The following PKP2 variants were observed in gnomAD, a reference collection of about 807,000 sequenced individuals.
The protein encoded by PKP2 is plakophilin 2.
A neutral mutation model predicts 83.4 loss-of-function variants in PKP2; 73 were observed. That is an observed-to-expected ratio of 0.88 (90% CI 0.72 to 1.06). The LOEUF (loss-of-function observed/expected upper bound fraction) is 1.06. PKP2 is among the 50% of genes least tolerant of loss of function. The pLI, the probability that PKP2 is intolerant of heterozygous loss-of-function variation, is 0.00. For synonymous variants in PKP2, 409 were observed against 430.4 expected (o/e 0.95, Z 0.62); for missense variants, 966 against 1,065.4 (o/e 0.91, Z 1.30).
intron 1 of PKP2, among the ~76,000 whole-genome samples, chr12:32,882,331 A>G (rs1431779140): frequency 1.3e-5 from 2 of 152,162 alleles, no homozygotes; most frequent in African/African-American, 4.8e-5. Context: ...ACGGCAGGTG[A>G]TGAAAGCAGG....
chr12:32,790,786 A>T lies in PKP2; in HGVS notation c.*1638T>A, dbSNP rs2137692249. ...ATTTAATATTATCGAAGGCTTTATT[A>T]ATGCCTTAAAAAACACAAAAAGTTC... On this transcript the variant is annotated 3_prime_UTR_variant, in exon 13 of 13. Coordinates refer to ENST00000340811, the MANE Select transcript of PKP2 (RefSeq NM_001005242.3). The T allele has an allele frequency of 6.6e-6, 1 of 152,326 alleles. No individual in the cohort carries two copies. Among genetic ancestry groups the T allele is most frequent in the South Asian group, 2.1e-4 (1 of 4,824 alleles). 9.4% of individuals were successfully genotyped at this position (152,326 alleles called of 1,614,324 possible). A position where few individuals can be genotyped will look rare whatever the true frequency, so the allele number is the denominator to read the frequency against.
In PKP2 at chr12:32,828,939, T is replaced by G. The variant is rs563652638; in HGVS notation, c.1557-4777A>C. Among the ~76,000 whole-genome samples, 17 of 151,002 alleles carry G rather than the reference T, an allele frequency of 1.1e-4. No individual in the cohort carries two copies. In the East Asian group the frequency reaches 1.8e-3, roughly 16 times the overall value. On this transcript the variant is annotated intron_variant, in intron 6 of 12. Transcript: ENST00000340811. ...TTTAGGAGGCAGAAATTTTTTTTTG[T>G]TTTGTTTTGTTTTTTTGAGATAGTC...
rs1048151222 is a variant in PKP2 at position 32,869,137 on chromosome 12, C to T, written c.1035-75G>A. On this transcript the variant is annotated intron_variant, in intron 3 of 12. Coordinates refer to ENST00000340811, the MANE Select transcript of PKP2 (RefSeq NM_001005242.3). The stretch of plus-strand genomic sequence containing the variant: ...GCCTACCAACCTGGTCCTCCAGAGA[C>T]GACTCAGCGAATACTGGGAAGCACT... 4.2e-5 allele frequency: 65 copies of T among 1,548,568 alleles called. No homozygotes were observed. The East Asian group carries it at 4.7e-4, about 11-fold the overall frequency.
At chr12:32,837,090 A>G (rs1318856368) in intron 6 of PKP2, among the ~76,000 whole-genome samples, 3 of 152,212 alleles carry the variant, frequency 2.0e-5, no homozygotes, top group Non-Finnish European at 4.4e-5. Context: ...CAGAACTTCA[A>G]AAAGAACAAC....
chr12:32,869,126 T>C lies in PKP2; in HGVS notation c.1035-64A>G, dbSNP rs539677388. ...TCCCTCCTCCTGCCTACCAACCTGG[T>C]CCTCCAGAGACGACTCAGCGAATAC... On this transcript the variant is annotated intron_variant, in intron 3 of 12. Coordinates refer to ENST00000340811, the MANE Select transcript of PKP2 (RefSeq NM_001005242.3). The C allele has an allele frequency of 4.4e-6, 7 of 1,591,682 alleles. No individual in the cohort carries two copies. In the East Asian group the frequency reaches 1.3e-4, roughly 30 times the overall value.
At chr12:32,858,084 A>AAAAAAAAAAAAATAT (rs1233128620) in intron 4 of PKP2, among the ~76,000 whole-genome samples, 1 of 67,026 alleles carries the variant, frequency 1.5e-5, no homozygotes, top group African/African-American at 8.0e-5. Context: ...AAAAAAAAAA[A>AAAAAAAAAAAAATAT]ATATATATAT....
At chr12:32,799,077 T>C (rs995974104) in intron 10 of PKP2, among the ~76,000 whole-genome samples, 3 of 151,924 alleles carry the variant, frequency 2.0e-5, no homozygotes, top group Non-Finnish European at 4.4e-5. Flanking sequence ...AAAAGCCAAA[T>C]AATTCCATCA....
At position 32,802,551 on chromosome 12, in the gene PKP2, C is replaced by T. The variant is rs147995773; in HGVS notation, c.2019G>A (p.Pro673=). 6.9e-5 allele frequency: 112 copies of T among 1,613,786 alleles called. No homozygotes were observed. Among genetic ancestry groups the T allele is most frequent in the Middle Eastern group, 1.6e-4 (1 of 6,082 alleles). ...GGACAACTGTCTGAGCCACTGATGT[C>T]GGCATCTGTTTTGTGAGACATATCC... ...QNLTAGSGPM[P]TSVAQTVVQK... is the part of the protein sequence containing the mutation. The change falls in exon 10 of 13, where the codon CCG becomes CCA. Residue 673 remains proline, a synonymous_variant. Coordinates refer to ENST00000340811, the MANE Select transcript of PKP2 (RefSeq NM_001005242.3).
rs1408081622 is a variant in PKP2 at position 32,850,982 on chromosome 12, G to GA, written c.1171-10dup. On this transcript the variant is annotated splice_polypyrimidine_tract_variant and intron_variant, in intron 4 of 12. Transcript: ENST00000340811. ...CCACGAAGCTGGTTAACCTGGGGAAGAAGCAGATGCATATTTCTAATATTA... is the reference window on the plus strand; with the variant it reads ...CCACGAAGCTGGTTAACCTGGGGAAGAAAGCAGATGCATATTTCTAATATTA... The GA allele has an allele frequency of 6.2e-7, 1 of 1,608,304 alleles. No individual in the cohort carries two copies. Among genetic ancestry groups the GA allele is most frequent in the Non-Finnish European group, 8.5e-7 (1 of 1,175,356 alleles).
chr12:32,816,489 G>T (rs544690368), intron 9 of PKP2, among the ~76,000 whole-genome samples: 1 of 152,068 alleles, frequency 6.6e-6, no homozygotes, highest in South Asian at 2.1e-4. Flanking sequence ...AATCCACCAC[G>T]GATGGGCACC....
chr12:32,895,012 A>T (rs1565604715), intron 1 of PKP2, among the ~76,000 whole-genome samples: 1 of 152,142 alleles, frequency 6.6e-6, no homozygotes, highest in Non-Finnish European at 1.5e-5. Context: ...AACAAATCCC[A>T]CTTTGTATTA....
intron 6 of PKP2, among the ~76,000 whole-genome samples, chr12:32,826,889 A>G (rs1344693405): frequency 6.6e-6 from 1 of 152,182 alleles, no homozygotes; most frequent in Non-Finnish European, 1.5e-5. Flanking sequence ...AGTCAGGAAA[A>G]GAGGGCTGTT....
intron 5 of PKP2, among the ~76,000 whole-genome samples, chr12:32,846,240 G>A (rs1372786487): frequency 6.6e-6 from 1 of 152,092 alleles, no homozygotes; most frequent in Non-Finnish European, 1.5e-5. Context: ...TGACCTTGAA[G>A]ATGAACTTCT....
intron 9 of PKP2, among the ~76,000 whole-genome samples, chr12:32,811,121 A>AACC (rs1956273757): frequency 6.6e-6 from 1 of 152,216 alleles, no homozygotes; most frequent in Admixed American, 6.5e-5. Context: ...ATGTTTGTGA[A>AACC]ACCAATCAAA....
chr12:32,871,359 G>T (rs1311368555), intron 3 of PKP2, among the ~76,000 whole-genome samples: 1 of 152,038 alleles, frequency 6.6e-6, no homozygotes, highest in African/African-American at 2.4e-5. Flanking sequence ...GCAGTGATGT[G>T]ATCATAGCTC....
chr12:32,872,964 G>A (rs950891344), intron 3 of PKP2, among the ~76,000 whole-genome samples: 5 of 152,214 alleles, frequency 3.3e-5, no homozygotes, highest in Admixed American at 6.5e-5. Context: ...TTAAGAGGAC[G>A]TGGAGGGAAG....
At chr12:32,807,500 T>C (rs1956237082) in intron 9 of PKP2, among the ~76,000 whole-genome samples, 1 of 152,188 alleles carries the variant, frequency 6.6e-6, no homozygotes, top group Non-Finnish European at 1.5e-5. Context: ...TTTTGTGTCT[T>C]TCAATTGGTG....
chr12:32,876,158 G>A (rs1226101340), intron 3 of PKP2, among the ~76,000 whole-genome samples: 1 of 152,120 alleles, frequency 6.6e-6, no homozygotes, highest in Admixed American at 6.5e-5. Context: ...CCACCCACAG[G>A]TTGAGTAATA....
chr12:32,802,669 T>C, intron 9 of PKP2, 113 bp from the exon 10 acceptor site: 1 of 972,196 alleles, frequency 1.0e-6, no homozygotes. Flanking sequence ...ATCTTATTTA[T>C]TTATTTTGAG....
Sources: gnomAD v4.1 joint callset for allele counts (sites outside exome capture counted in the v4.1 genomes callset) on GRCh38, gnomAD v4.1.1 for gene constraint, MANE v1.5 for transcripts, NCBI Gene and HGNC (gene_info 2026-07-23, HGNC 2026-07-21) for gene names.